The following CTNND2 variants were observed in gnomAD, a reference collection of about 807,000 sequenced individuals.
The protein encoded by CTNND2 is catenin delta-2.
A neutral mutation model predicts 144.4 loss-of-function variants in CTNND2; 22 were observed. That is an observed-to-expected ratio of 0.15 (90% CI 0.11 to 0.22). CTNND2 has a LOEUF of 0.22. Ranked by LOEUF, CTNND2 falls within the 10% of genes least tolerant of loss-of-function variation. CTNND2 has a pLI of 1.00. For synonymous variants in CTNND2, 751 were observed against 695.6 expected (o/e 1.08, Z -1.25); for missense variants, 1,353 against 1,618.8 (o/e 0.84, Z 2.82).
chr5:10,996,294 T>C (rs1214942346), intron 18 of CTNND2, among the ~76,000 whole-genome samples: 1 of 152,036 alleles, frequency 6.6e-6, no homozygotes, highest in African/African-American at 2.4e-5. Context: ...GAGTGTATAT[T>C]GATCAGGGTA....
intron 9 of CTNND2, among the ~76,000 whole-genome samples, chr5:11,345,732 C>T (rs1754705102): frequency 6.6e-6 from 1 of 151,364 alleles, no homozygotes; most frequent in Non-Finnish European, 1.5e-5. Flanking sequence ...TCCAACTTTA[C>T]AAGCAGAGCA....
intron 2 of CTNND2, among the ~76,000 whole-genome samples, chr5:11,654,731 G>T (rs1487318216): frequency 6.6e-6 from 1 of 151,190 alleles, no homozygotes; most frequent in African/African-American, 2.4e-5. Flanking sequence ...GATGTCTTTT[G>T]TTTCCTTCTC....
At chr5:11,722,818 G>A (rs1485139267) in intron 2 of CTNND2, among the ~76,000 whole-genome samples, 3 of 152,168 alleles carry the variant, frequency 2.0e-5, no homozygotes, top group Non-Finnish European at 4.4e-5. Context: ...ACTACAATTT[G>A]AGATGACATT....
At chr5:11,171,500 T>G (rs909361853) in intron 11 of CTNND2, among the ~76,000 whole-genome samples, 2 of 152,352 alleles carry the variant, frequency 1.3e-5, no homozygotes, top group African/African-American at 4.8e-5. Flanking sequence ...CATTTATTAC[T>G]GCATATTTTC....
At chr5:11,271,986 CT>C (rs1262472330) in intron 9 of CTNND2, among the ~76,000 whole-genome samples, 1 of 151,830 alleles carries the variant, frequency 6.6e-6, no homozygotes, top group Non-Finnish European at 1.5e-5. Context: ...TATAGATAAG[CT>C]GTTTTGGGAA....
intron 3 of CTNND2, among the ~76,000 whole-genome samples, chr5:11,437,678 A>G (rs919705655): frequency 1.3e-5 from 2 of 152,208 alleles, no homozygotes; most frequent in Non-Finnish European, 2.9e-5. Context: ...CAGAGACAAT[A>G]TTCTGAAATG....
intron 1 of CTNND2, among the ~76,000 whole-genome samples, chr5:11,845,265 A>G (rs13358986): frequency 0.14 from 20,703 of 152,062 alleles, 3,234 homozygotes; most frequent in African/African-American, 0.38. Flanking sequence ...TATATCACTC[A>G]CCCCCAGCAC....
chr5:11,377,628 C>T (rs1431046367), intron 7 of CTNND2, among the ~76,000 whole-genome samples: 3 of 152,000 alleles, frequency 2.0e-5, no homozygotes, highest in Admixed American at 6.6e-5. Flanking sequence ...TCTGTTTACC[C>T]GCATTTGATT....
intron 1 of CTNND2, among the ~76,000 whole-genome samples, chr5:11,762,615 C>T (rs1349656800): frequency 6.6e-6 from 1 of 152,170 alleles, no homozygotes; most frequent in East Asian, 1.9e-4. Context: ...GCAAATTTCT[C>T]CTTTGCTTGC....
intron 9 of CTNND2, among the ~76,000 whole-genome samples, chr5:11,273,307 C>A (rs1746207465): frequency 6.6e-6 from 1 of 152,076 alleles, no homozygotes; most frequent in African/African-American, 2.4e-5. Flanking sequence ...GGTTCTCAAC[C>A]TCAACACACC....
chr5:11,355,809 C>A (rs1398450109), intron 8 of CTNND2, among the ~76,000 whole-genome samples: 1 of 151,954 alleles, frequency 6.6e-6, no homozygotes, highest in Non-Finnish European at 1.5e-5. Flanking sequence ...CAAAACAAAG[C>A]CTGTTAGAAT....
intron 9 of CTNND2, among the ~76,000 whole-genome samples, chr5:11,267,607 C>T (rs1047338389): frequency 6.6e-6 from 1 of 152,148 alleles, no homozygotes; most frequent in African/African-American, 2.4e-5. Context: ...ATTTGCCCAG[C>T]CCTGAAATGG....
intron 9 of CTNND2, among the ~76,000 whole-genome samples, chr5:11,310,067 T>C (rs1750642645): frequency 6.6e-6 from 1 of 152,176 alleles, no homozygotes; most frequent in South Asian, 2.1e-4. Flanking sequence ...CAGGTAGTTT[T>C]TTTTTGTTTG....
intron 16 of CTNND2, among the ~76,000 whole-genome samples, chr5:11,076,483 A>G (rs1748966842): frequency 6.6e-6 from 1 of 152,202 alleles, no homozygotes; most frequent in Admixed American, 6.5e-5. Flanking sequence ...AATTATTACC[A>G]TTCCTTTTTT....
At chr5:11,772,537 T>C (rs1790004667) in intron 1 of CTNND2, among the ~76,000 whole-genome samples, 1 of 152,220 alleles carries the variant, frequency 6.6e-6, no homozygotes. Flanking sequence ...TATGAAATTC[T>C]CAAACAGGTG....
At chr5:11,310,001 C>T (rs1438407631) in intron 9 of CTNND2, among the ~76,000 whole-genome samples, 1 of 152,160 alleles carries the variant, frequency 6.6e-6, no homozygotes, top group Non-Finnish European at 1.5e-5. Flanking sequence ...GCTTCCTATA[C>T]AGCCTGCAGA....
At chr5:11,456,886 A>G (rs1765780261) in intron 3 of CTNND2, among the ~76,000 whole-genome samples, 1 of 152,150 alleles carries the variant, frequency 6.6e-6, no homozygotes, top group African/African-American at 2.4e-5. Context: ...CTAAATGAAA[A>G]TCTAGAACTC....
chr5:11,621,485 T>C (rs1422785116), intron 2 of CTNND2, among the ~76,000 whole-genome samples: 3 of 152,186 alleles, frequency 2.0e-5, no homozygotes, highest in Non-Finnish European at 2.9e-5. Flanking sequence ...CAGATTTAAC[T>C]TTGGAATTTG....
intron 9 of CTNND2, among the ~76,000 whole-genome samples, chr5:11,265,836 C>G (rs548341807): frequency 6.6e-6 from 1 of 151,550 alleles, no homozygotes; most frequent in African/African-American, 2.4e-5. Flanking sequence ...CTCAGCCTCC[C>G]GAGTAGATGG....
Sources: allele counts gnomAD v4.1 joint callset (sites outside exome capture counted in the v4.1 genomes callset), GRCh38; gene constraint gnomAD v4.1.1; transcripts MANE v1.5; gene names NCBI Gene and HGNC (gene_info 2026-07-23, HGNC 2026-07-21).